The following RPRD2 variants were observed in gnomAD, a reference collection of about 807,000 sequenced individuals.
RPRD2 encodes regulation of nuclear pre-mRNA domain-containing protein 2.
RPRD2 carries 12 observed loss-of-function variants against 104.4 expected under a neutral mutation model. The observed-to-expected ratio is 0.11, with a 90% CI of 0.07 to 0.19. The LOEUF (loss-of-function observed/expected upper bound fraction) is 0.19. RPRD2 is among the 10% of genes least tolerant of loss of function. The pLI, the probability that RPRD2 is intolerant of heterozygous loss-of-function variation, is 1.00. For missense variants in RPRD2, 1,543 were observed against 1,790.1 expected, an observed-to-expected ratio of 0.86 and a Z score of 2.49; for synonymous variants, 714 against 684.9, an observed-to-expected ratio of 1.04 and a Z score of -0.66.
At chr1:150,450,692 C>G (rs587610435) in intron 7 of RPRD2, among the ~76,000 whole-genome samples, 1 of 151,326 alleles carries the variant, frequency 6.6e-6, no homozygotes, top group Admixed American at 6.6e-5. Flanking sequence ...GCAATCTCGG[C>G]TCACTGCAAC....
chr1:150,404,525 C>T (rs1403706748), intron 1 of RPRD2, among the ~76,000 whole-genome samples: 1 of 152,134 alleles, frequency 6.6e-6, no homozygotes, highest in Non-Finnish European at 1.5e-5. Flanking sequence ...GCTAGGATTA[C>T]AGGTGTGAGC....
At chr1:150,448,547 A>G (rs1464459475) in intron 7 of RPRD2, among the ~76,000 whole-genome samples, 1 of 152,104 alleles carries the variant, frequency 6.6e-6, no homozygotes, top group Non-Finnish European at 1.5e-5. Flanking sequence ...ACTCTTTGCT[A>G]CTCTAAAGGT....
chr1:150,385,526 T>C lies in RPRD2; in HGVS notation c.205+20607T>C, dbSNP rs1661497936. ...TTTAATATTTTAAGTATTATCATTC[T>C]AGAATATCAAATCAAAATATAAATT... On this transcript the variant is annotated intron_variant, in intron 1 of 10. Transcript: ENST00000369068. 2.0e-5 allele frequency among the ~76,000 whole-genome samples: 3 copies of C among 152,338 alleles called. No individual in the cohort carries two copies. The South Asian group carries it at 6.2e-4, about 32-fold the overall frequency.
intron 7 of RPRD2, 76 bp downstream of exon 7, chr1:150,446,477 ACT>A (rs1553895528): frequency 2.4e-6 from 3 of 1,262,072 alleles, no homozygotes; most frequent in African/African-American, 3.0e-5. Context: ...GCATTATCTA[ACT>A]CTGTTAGGAT....
chr1:150,400,106 T>G (rs1553885024), intron 1 of RPRD2, among the ~76,000 whole-genome samples: 4 of 152,236 alleles, frequency 2.6e-5, no homozygotes, highest in African/African-American at 9.6e-5. Context: ...GCATGTATTT[T>G]ACTAGGTGAT....
At chr1:150,415,565 G>A (rs1664272241) in intron 1 of RPRD2, among the ~76,000 whole-genome samples, 1 of 151,850 alleles carries the variant, frequency 6.6e-6, no homozygotes, top group Admixed American at 6.6e-5. Context: ...CATGCCTGAA[G>A]TCCCAGCTAC....
chr1:150,446,127 G>A (rs587694189), intron 6 of RPRD2, 99 bp from the exon 7 acceptor site: 1 of 767,700 alleles, frequency 1.3e-6, no homozygotes, highest in South Asian at 2.1e-5. Flanking sequence ...AAGGCAGCAA[G>A]AGTATGTTCA....
chr1:150,407,134 A>G (rs1340914004), intron 1 of RPRD2, among the ~76,000 whole-genome samples: 4 of 152,224 alleles, frequency 2.6e-5, no homozygotes, highest in Non-Finnish European at 4.4e-5. Context: ...TGGTATTCAC[A>G]TAATACTTTT....
intron 1 of RPRD2, among the ~76,000 whole-genome samples, chr1:150,402,647 G>C (rs1480290362): frequency 6.6e-6 from 1 of 151,866 alleles, no homozygotes; most frequent in Non-Finnish European, 1.5e-5. Context: ...CTACACTCCA[G>C]CCTAGGCAAC....
chr1:150,383,377 C>T lies in RPRD2; in HGVS notation c.205+18458C>T, dbSNP rs587686967. Among the ~76,000 whole-genome samples the T allele has an allele frequency of 2.7e-4, 40 of 146,718 alleles. 3 individuals are homozygous for T. The South Asian group carries it at 8.6e-3, about 32-fold the overall frequency. On this transcript the variant is annotated intron_variant, in intron 1 of 10. Transcript: ENST00000369068. The stretch of plus-strand genomic sequence containing the variant: ...TAGGCTGGAGTGCAGTGCAGTGGCG[C>T]AATCTTGGCTCACTGCAACCTCCAC...
chr1:150,404,488 C>T (rs1663307104), intron 1 of RPRD2, among the ~76,000 whole-genome samples: 1 of 151,826 alleles, frequency 6.6e-6, no homozygotes, highest in Admixed American at 6.6e-5. Flanking sequence ...TCAGGCATTC[C>T]TCCTGCCTCG....
intron 4 of RPRD2, 106 bp from the exon 5 acceptor site, chr1:150,443,125 T>C: frequency 1.5e-6 from 1 of 686,000 alleles, no homozygotes; most frequent in Non-Finnish European, 2.5e-6. Flanking sequence ...AATGTGCATG[T>C]TTGCCATATG....
chr1:150,455,783 T>C (rs1667485735), intron 7 of RPRD2, among the ~76,000 whole-genome samples: 1 of 152,128 alleles, frequency 6.6e-6, no homozygotes, highest in Non-Finnish European at 1.5e-5. Flanking sequence ...ATCTTTGCAA[T>C]GATTTTCTAA....
chr1:150,411,812 A>C (rs1260663190), intron 1 of RPRD2, among the ~76,000 whole-genome samples: 6 of 145,646 alleles, frequency 4.1e-5, no homozygotes, highest in Non-Finnish European at 7.5e-5. Flanking sequence ...AAAAAAAAAA[A>C]AAAACGAAAC....
At position 150,438,312 on chromosome 1, in the gene RPRD2, A is replaced by G. The variant is rs587645505; in HGVS notation, c.336-2611A>G. On this transcript the variant is annotated intron_variant, in intron 2 of 10. Coordinates refer to ENST00000369068, the MANE Select transcript of RPRD2 (RefSeq NM_015203.5). ...TCAAGAAAAGAAAAGAAAAAAAGTCATGCGTTGCTTAACATCAAGAATATG... is the reference window on the plus strand; with the variant it reads ...TCAAGAAAAGAAAAGAAAAAAAGTCGTGCGTTGCTTAACATCAAGAATATG... Among the ~76,000 whole-genome samples, 9 of 150,382 alleles carry G rather than the reference A, an allele frequency of 6.0e-5. No individual in the cohort carries two copies. The South Asian group carries it at 1.9e-3, about 32-fold the overall frequency.
chr1:150,454,691 T>G (rs1667403094), intron 7 of RPRD2, among the ~76,000 whole-genome samples: 1 of 151,848 alleles, frequency 6.6e-6, no homozygotes, highest in Non-Finnish European at 1.5e-5. Flanking sequence ...CAACAAAAAA[T>G]ACAAAAATTA....
intron 2 of RPRD2, 126 bp from the exon 3 acceptor site, chr1:150,440,797 A>G: frequency 1.6e-6 from 1 of 629,520 alleles, no homozygotes; most frequent in Middle Eastern, 4.3e-4. Flanking sequence ...TATAGAAAAA[A>G]GGTTTTGAAA....
At chr1:150,390,456 G>A (rs1553882939) in intron 1 of RPRD2, among the ~76,000 whole-genome samples, 3 of 152,066 alleles carry the variant, frequency 2.0e-5, no homozygotes, top group Admixed American at 2.0e-4. Flanking sequence ...CCGAGATCAC[G>A]CCGTTACACT....
intron 2 of RPRD2, among the ~76,000 whole-genome samples, chr1:150,432,861 C>T (rs587676264): frequency 2.6e-5 from 4 of 151,766 alleles, no homozygotes; most frequent in African/African-American, 9.7e-5. Context: ...TTTATAGTCC[C>T]AGCTACTCAG....
Sources: allele counts gnomAD v4.1 joint callset (sites outside exome capture counted in the v4.1 genomes callset), GRCh38; gene constraint gnomAD v4.1.1; transcripts MANE v1.5; gene names NCBI Gene and HGNC (gene_info 2026-07-23, HGNC 2026-07-21).